HUNK: variants seen among roughly 807,000 people sequenced by gnomAD.
The protein encoded by HUNK is hormonally up-regulated Neu-associated kinase.
HUNK carries 21 observed loss-of-function variants against 61.0 expected under a neutral mutation model. The ratio of observed to expected loss-of-function variants is 0.34; its 90% CI spans 0.24 to 0.50. The LOEUF is 0.50. HUNK is among the 20% of genes least tolerant of loss of function. HUNK has a pLI of 0.98. For synonymous variants in HUNK, 371 were observed against 386.1 expected, an observed-to-expected ratio of 0.96 and a Z score of 0.46; for missense variants, 772 against 945.7, an observed-to-expected ratio of 0.82 and a Z score of 2.41.
chr21:31,975,241 C>T (rs529956989), intron 7 of HUNK, among the ~76,000 whole-genome samples: 2 of 152,314 alleles, frequency 1.3e-5, no homozygotes, highest in East Asian at 1.9e-4. Context: ...GTCCAAGTGT[C>T]TGGTGTCACC....
At chr21:31,995,206 C>T (rs76372004) in intron 9 of HUNK, among the ~76,000 whole-genome samples, 9,312 of 149,124 alleles carry the variant, frequency 0.062, 395 homozygotes, top group South Asian at 0.11. Context: ...TTCATACACA[C>T]GAGTACTAAG....
At chr21:31,880,925 A>G (rs2052301772) in intron 1 of HUNK, among the ~76,000 whole-genome samples, 1 of 152,240 alleles carries the variant, frequency 6.6e-6, no homozygotes. Context: ...GCCCCTGCCC[A>G]TGCCGTGGTG....
intron 5 of HUNK, among the ~76,000 whole-genome samples, chr21:31,961,212 C>T (rs916321743): frequency 5.9e-5 from 9 of 151,406 alleles, no homozygotes; most frequent in Non-Finnish European, 1.2e-4. Flanking sequence ...AGCATAATTC[C>T]CTTGAGATAA....
At position 31,999,563 on chromosome 21, in the gene HUNK, C is replaced by G. The variant is rs921388134; in HGVS notation, c.*379C>G. The G allele has an allele frequency of 4.9e-6, 1 of 202,238 alleles. No homozygotes were observed. The highest frequency in any genetic ancestry group is 1.2e-4 in the East Asian group (1 of 8,384). 12.5% of individuals were successfully genotyped at this position (202,238 alleles called of 1,614,324 possible). A position where few individuals can be genotyped will look rare whatever the true frequency, so the allele number is the denominator to read the frequency against. On this transcript the variant is annotated 3_prime_UTR_variant, in exon 11 of 11. Transcript: ENST00000270112. The stretch of plus-strand genomic sequence containing the variant: ...CACGCTGTGCTACATGTGTGCCTCT[C>G]ACAGCAGTTGGCCACAGTTACAGGG...
intron 1 of HUNK, among the ~76,000 whole-genome samples, chr21:31,874,137 G>A (rs1325554961): frequency 1.3e-5 from 2 of 151,834 alleles, no homozygotes; most frequent in African/African-American, 2.4e-5. Context: ...TCCGCTGCCC[G>A]GGGGTTGGGG....
rs961808940 is a variant in HUNK at position 31,883,671 on chromosome 21, G to T, written c.261+9736G>T. Among the ~76,000 whole-genome samples the T allele has an allele frequency of 4.6e-5, 7 of 152,116 alleles. No homozygotes were observed. In the East Asian group the frequency reaches 1.3e-3, roughly 29 times the overall value. On this transcript the variant is annotated intron_variant, in intron 1 of 10. Transcript: ENST00000270112. ...GAAGGATAATTGATAAGTTTTGGAG[G>T]TCTATGGAGCCCTATCAATTGTGTG...
At chr21:31,898,327 G>A (rs565673805) in intron 1 of HUNK, among the ~76,000 whole-genome samples, 8 of 152,130 alleles carry the variant, frequency 5.3e-5, no homozygotes, top group Non-Finnish European at 1.0e-4. Flanking sequence ...GTGCAATGGC[G>A]CGATCTCGGC....
At chr21:31,990,259 A>C in intron 9 of HUNK, 83 bp downstream of exon 9, 2 of 1,286,876 alleles carry the variant, frequency 1.6e-6, no homozygotes, top group Non-Finnish European at 2.2e-6. Context: ...AGAGAGATTG[A>C]GACTGAGATT....
chr21:31,928,363 G>A (rs1269693165), intron 2 of HUNK, among the ~76,000 whole-genome samples: 1 of 152,182 alleles, frequency 6.6e-6, no homozygotes, highest in African/African-American at 2.4e-5. Flanking sequence ...ATTCTCAACA[G>A]CCCTTTTAAA....
rs184828708 is a variant in HUNK, at chr21:31,892,762, G to A, written c.261+18827G>A. On this transcript the variant is annotated intron_variant, in intron 1 of 10. Coordinates refer to ENST00000270112, the MANE Select transcript of HUNK (RefSeq NM_014586.2). ...TTTTATTTTAAGGATAAAGGGAGGT[G>A]AGGAAAAAGATGATGGGGACGCCTC... Among the ~76,000 whole-genome samples, 656 of 152,196 alleles carry A rather than the reference G, an allele frequency of 4.3e-3. 10 individuals are homozygous for A. Among genetic ancestry groups the A allele is most frequent in the Admixed American group, 0.04 (608 of 15,280 alleles).
intron 1 of HUNK, among the ~76,000 whole-genome samples, chr21:31,902,696 A>C (rs2052477282): frequency 6.6e-6 from 1 of 152,144 alleles, no homozygotes; most frequent in Non-Finnish European, 1.5e-5. Context: ...TTTACAGAGA[A>C]ATGGCGATTG....
chr21:31,905,596 C>T (rs1010473679), intron 1 of HUNK, among the ~76,000 whole-genome samples: 6 of 152,198 alleles, frequency 3.9e-5, no homozygotes, highest in Admixed American at 2.6e-4. Flanking sequence ...CCTGGCCCTT[C>T]CTGAGAGCCA....
chr21:31,884,453 G>T (rs368126616), intron 1 of HUNK, among the ~76,000 whole-genome samples: 108 of 152,052 alleles, frequency 7.1e-4, no homozygotes, highest in African/African-American at 2.5e-3. Context: ...TTAGCCAGGC[G>T]TGGTGGTGGG....
intron 2 of HUNK, among the ~76,000 whole-genome samples, chr21:31,931,765 C>T (rs1172815410): frequency 6.6e-6 from 1 of 152,134 alleles, no homozygotes. Context: ...TGGACTCAAC[C>T]CTGAGCGGCT....
intron 5 of HUNK, among the ~76,000 whole-genome samples, chr21:31,960,782 C>T (rs1042785297): frequency 6.6e-6 from 1 of 152,158 alleles, no homozygotes; most frequent in African/African-American, 2.4e-5. Context: ...TGGCCCCGCC[C>T]TTGACATGTG....
intron 1 of HUNK, among the ~76,000 whole-genome samples, chr21:31,887,582 C>T (rs766924461): frequency 3.9e-5 from 6 of 152,138 alleles, no homozygotes; most frequent in African/African-American, 1.2e-4. Flanking sequence ...TTTGGTAAGT[C>T]GTCAGGCCAT....
intron 1 of HUNK, among the ~76,000 whole-genome samples, chr21:31,888,328 G>C (rs1192518261): frequency 1.3e-5 from 2 of 152,180 alleles, no homozygotes; most frequent in Admixed American, 6.5e-5. Context: ...GCTTTTGTTG[G>C]TAATAATAAT....
At chr21:31,940,679 A>G (rs777470072) in intron 3 of HUNK, among the ~76,000 whole-genome samples, 1 of 152,172 alleles carries the variant, frequency 6.6e-6, no homozygotes, top group Non-Finnish European at 1.5e-5. Context: ...GGATAATTAG[A>G]AGTCTGAACC....
Position 31,924,648 on chromosome 21 carries a change from C to T in HUNK, c.442C>T (p.Leu148=), listed in dbSNP as rs532742953. The change falls in exon 2 of 11, where the codon CTG becomes TTG. Residue 148 remains leucine (L), a synonymous_variant. Transcript: ENST00000270112. This position sits in a 1 kb window ranked among gnomAD's most constrained non-coding sequence, Gnocchi z 5.1. ...LVMELCPGGN[L]MHKIYEKKRL... ...CATGGAGCTGTGCCCTGGGGGCAAC[C>T]TGATGCACAAGATCTATGAGAAGAA... 3 of 1,614,166 alleles carry T rather than the reference C, an allele frequency of 1.9e-6. No individual in the cohort carries two copies. The highest frequency in any genetic ancestry group is 2.7e-5 in the African/African-American group (2 of 75,050).
Sources: allele counts gnomAD v4.1 joint callset (sites outside exome capture counted in the v4.1 genomes callset), GRCh38; gene constraint gnomAD v4.1.1; non-coding constraint Gnocchi (gnomAD v3.1); transcripts MANE v1.5; gene names NCBI Gene and HGNC (gene_info 2026-07-23, HGNC 2026-07-21).